The following MEIKIN variants were observed in gnomAD, a reference collection of about 807,000 sequenced individuals.
The protein encoded by MEIKIN is meiotic kinetochore factor.
chr5:131,809,716 G>C (rs1772916644), intron 12 of MEIKIN, among the ~76,000 whole-genome samples: 1 of 151,668 alleles, frequency 6.6e-6, no homozygotes, highest in Non-Finnish European at 1.5e-5. Context: ...TGAGGCAGGA[G>C]AATCGCCTGA....
chr5:131,813,452 A>C (rs1220334097), intron 12 of MEIKIN, among the ~76,000 whole-genome samples: 1 of 147,974 alleles, frequency 6.8e-6, no homozygotes, highest in Non-Finnish European at 1.5e-5. Flanking sequence ...TTTGAGACAG[A>C]GTCTTGCTTT....
intron 12 of MEIKIN, among the ~76,000 whole-genome samples, chr5:131,812,071 A>G (rs891186200): frequency 1.3e-5 from 2 of 152,158 alleles, no homozygotes; most frequent in Non-Finnish European, 2.9e-5. Context: ...CCCCACTCCA[A>G]CAAGGGCATC....
At chr5:131,931,532 T>C (rs540827735) in intron 5 of MEIKIN, among the ~76,000 whole-genome samples, 2 of 152,250 alleles carry the variant, frequency 1.3e-5, no homozygotes, top group East Asian at 1.9e-4. Flanking sequence ...ACTGGATGTA[T>C]TGTCAAGTCC....
chr5:131,883,229 G>A (rs1335993133), intron 8 of MEIKIN, among the ~76,000 whole-genome samples: 1 of 152,092 alleles, frequency 6.6e-6, no homozygotes, highest in African/African-American at 2.4e-5. Flanking sequence ...ATATCTAGAA[G>A]GCAGCTGCAT....
At chr5:131,920,943 C>T (rs1393404272) in intron 6 of MEIKIN, among the ~76,000 whole-genome samples, 2 of 152,052 alleles carry the variant, frequency 1.3e-5, no homozygotes, top group African/African-American at 2.4e-5. Flanking sequence ...CTCAAGCAGT[C>T]CTCCCACCTC....
At chr5:131,822,908 C>T (rs1749544123) in intron 11 of MEIKIN, among the ~76,000 whole-genome samples, 3 of 147,990 alleles carry the variant, frequency 2.0e-5, no homozygotes, top group South Asian at 2.2e-4. Context: ...GTATGGAGAT[C>T]TCTATTTCTC....
chr5:131,945,347 C>G (rs1181784664), intron 1 of MEIKIN, 53 bp downstream of exon 1: 4 of 398,992 alleles, frequency 1.0e-5, no homozygotes, highest in Non-Finnish European at 1.8e-5. Flanking sequence ...CCCTCGGTCC[C>G]GTCCCGGAGG....
At chr5:131,871,443 C>G (rs1371538317) in intron 9 of MEIKIN, among the ~76,000 whole-genome samples, 2 of 152,180 alleles carry the variant, frequency 1.3e-5, no homozygotes, top group Non-Finnish European at 2.9e-5. Context: ...GACAGCGAGG[C>G]TGGGGGAGGG....
rs539963208 is a variant in MEIKIN at position 131,843,149 on chromosome 5, G to A, written c.975+8115C>T. On this transcript the variant is annotated intron_variant, in intron 11 of 12. Coordinates refer to ENST00000442687, the MANE Select transcript of MEIKIN (RefSeq NM_001303622.2). ...GGGATGTAGGGCGCCATGTCCCAAG[G>A]CTGCACAGAGCAGCAAGGCCCTGGG... is the stretch of plus-strand genomic sequence containing the variant. 1.3e-4 allele frequency among the ~76,000 whole-genome samples: 20 copies of A among 152,364 alleles called. No individual in the cohort carries two copies. The East Asian group carries it at 3.7e-3, about 28-fold the overall frequency.
At chr5:131,880,122 CTT>C (rs1750680400) in intron 8 of MEIKIN, among the ~76,000 whole-genome samples, 1 of 151,822 alleles carries the variant, frequency 6.6e-6, no homozygotes, top group Non-Finnish European at 1.5e-5. Context: ...GAGTTTTGCT[CTT>C]TGTTGCCCAG....
intron 5 of MEIKIN, among the ~76,000 whole-genome samples, chr5:131,925,427 T>C (rs1289472154): frequency 6.6e-6 from 1 of 152,212 alleles, no homozygotes; most frequent in African/African-American, 2.4e-5. Flanking sequence ...TGTGCATCCA[T>C]TTGCTTGCAT....
chr5:131,915,336 C>A (rs1044261546), intron 7 of MEIKIN, among the ~76,000 whole-genome samples: 2 of 152,034 alleles, frequency 1.3e-5, no homozygotes, highest in Non-Finnish European at 2.9e-5. Context: ...TCAGTGGAGC[C>A]CAGACCAGGT....
intron 4 of MEIKIN, among the ~76,000 whole-genome samples, chr5:131,935,468 A>G (rs1467201129): frequency 6.6e-6 from 1 of 152,168 alleles, no homozygotes; most frequent in African/African-American, 2.4e-5. Flanking sequence ...ATGGTGACAG[A>G]ACATAGTACT....
At chr5:131,883,789 C>T (rs1048054818) in intron 8 of MEIKIN, among the ~76,000 whole-genome samples, 2 of 152,300 alleles carry the variant, frequency 1.3e-5, no homozygotes, top group South Asian at 4.1e-4. Flanking sequence ...TCTTGAATCA[C>T]CAATGCCACA....
At chr5:131,923,253 T>C (rs1014126086) in intron 5 of MEIKIN, among the ~76,000 whole-genome samples, 8 of 152,218 alleles carry the variant, frequency 5.3e-5, no homozygotes, top group Admixed American at 2.6e-4. Flanking sequence ...TTCCATTTAT[T>C]CCACTCCCAG....
chr5:131,886,959 C>G (rs531864620), intron 8 of MEIKIN, among the ~76,000 whole-genome samples: 3 of 116,390 alleles, frequency 2.6e-5, no homozygotes, highest in African/African-American at 9.6e-5. Context: ...CCCCTCCCCC[C>G]ACCCTAATGC....
At chr5:131,914,564 GGGGAAGA>G (rs1414688593) in intron 7 of MEIKIN, among the ~76,000 whole-genome samples, 2 of 86,798 alleles carry the variant, frequency 2.3e-5, no homozygotes, top group African/African-American at 8.6e-5. Flanking sequence ...AAGAGGGAAG[GGGGAAGA>G]GAAGGGAAGG....
At chr5:131,831,783 T>C (rs1749719851) in intron 11 of MEIKIN, among the ~76,000 whole-genome samples, 1 of 152,098 alleles carries the variant, frequency 6.6e-6, no homozygotes, top group Non-Finnish European at 1.5e-5. Context: ...AGGCACTTCT[T>C]ACATGGTGAC....
chr5:131,878,494 G>A (rs1750651922), intron 9 of MEIKIN, among the ~76,000 whole-genome samples: 1 of 152,038 alleles, frequency 6.6e-6, no homozygotes. Context: ...ATGAACCCAG[G>A]AGGCAGAGCT....
Sources: gnomAD v4.1 joint callset for allele counts (sites outside exome capture counted in the v4.1 genomes callset) on GRCh38, gnomAD v4.1.1 for gene constraint, MANE v1.5 for transcripts, NCBI Gene and HGNC (gene_info 2026-07-23, HGNC 2026-07-21) for gene names.